Variants in SYN3 observed in about 807,000 individuals in gnomAD.
SYN3 encodes the protein synapsin III.
In SYN3, 35 loss-of-function variants were observed where a neutral mutation model predicts 65.8. The observed-to-expected ratio is 0.53, with a 90% CI of 0.41 to 0.70. The LOEUF is 0.70. SYN3 is among the 30% of genes least tolerant of loss of function. The pLI, the probability that SYN3 is intolerant of heterozygous loss-of-function variation, is 0.00. For missense variants in SYN3, 680 were observed against 749.0 expected (o/e 0.91, Z 1.08); for synonymous variants, 270 against 292.9 (o/e 0.92, Z 0.80).
At chr22:32,524,028 A>G (rs1393816755) in intron 12 of SYN3, among the ~76,000 whole-genome samples, 1 of 152,256 alleles carries the variant, frequency 6.6e-6, no homozygotes, top group Non-Finnish European at 1.5e-5. Flanking sequence ...TTTCAATCCT[A>G]TGAAGGCTGA....
intron 6 of SYN3, among the ~76,000 whole-genome samples, chr22:32,715,172 A>T (rs2061019888): frequency 6.6e-6 from 1 of 152,192 alleles, no homozygotes; most frequent in Admixed American, 6.5e-5. Flanking sequence ...GCGTTTGCTT[A>T]TTTTCATGGA....
intron 6 of SYN3, among the ~76,000 whole-genome samples, chr22:32,834,974 G>T (rs1042261219): frequency 6.6e-6 from 1 of 152,212 alleles, no homozygotes; most frequent in African/African-American, 2.4e-5. Flanking sequence ...CAGGGTCTTT[G>T]CAGTCCTCAG....
intron 6 of SYN3, among the ~76,000 whole-genome samples, chr22:32,738,142 G>A (rs2061357996): frequency 6.6e-6 from 1 of 152,128 alleles, no homozygotes; most frequent in East Asian, 1.9e-4. Context: ...CTCCACATCT[G>A]CCAAGTCCTT....
chr22:32,958,295 C>T (rs1408632729), intron 3 of SYN3, among the ~76,000 whole-genome samples: 2 of 152,192 alleles, frequency 1.3e-5, no homozygotes. Flanking sequence ...AGGATACAAG[C>T]AAAACAGGAT....
intron 1 of SYN3, among the ~76,000 whole-genome samples, chr22:33,052,855 A>C (rs2054193548): frequency 6.6e-6 from 1 of 152,202 alleles, no homozygotes; most frequent in Non-Finnish European, 1.5e-5. Context: ...ACTTGCTTTT[A>C]TCAGAATCAT....
At chr22:32,581,179 G>A (rs999465077) in intron 7 of SYN3, among the ~76,000 whole-genome samples, 1 of 151,978 alleles carries the variant, frequency 6.6e-6, no homozygotes, top group Non-Finnish European at 1.5e-5. Flanking sequence ...GTGCAATCTC[G>A]GCTCACTGCA....
intron 10 of SYN3, 116 bp downstream of exon 10, chr22:32,533,677 G>A (rs192791884): frequency 2.4e-5 from 16 of 661,848 alleles, no homozygotes; most frequent in South Asian, 1.9e-4. Flanking sequence ...CCTGGGTTGC[G>A]TGTGCCCTGG....
chr22:32,969,249 G>A (rs1477878775), intron 3 of SYN3, among the ~76,000 whole-genome samples: 2 of 152,128 alleles, frequency 1.3e-5, no homozygotes, highest in Non-Finnish European at 2.9e-5. Flanking sequence ...CCAGGATGCT[G>A]TACTCTCCTC....
intron 3 of SYN3, among the ~76,000 whole-genome samples, chr22:32,964,080 G>C (rs1347816493): frequency 6.6e-6 from 1 of 151,992 alleles, no homozygotes; most frequent in African/African-American, 2.4e-5. Context: ...ATTTTAAACA[G>C]GCCAAGAACT....
intron 6 of SYN3, among the ~76,000 whole-genome samples, chr22:32,742,005 G>A (rs561013468): frequency 2.8e-4 from 42 of 151,612 alleles, no homozygotes; most frequent in Non-Finnish European, 5.7e-4. Context: ...CGGGCGCGGT[G>A]GCTCACACCT....
chr22:33,038,736 A>T (rs887492141), intron 1 of SYN3, among the ~76,000 whole-genome samples: 1 of 151,820 alleles, frequency 6.6e-6, no homozygotes, highest in Non-Finnish European at 1.5e-5. Context: ...AACCCAAGGC[A>T]GCCAGTCATC....
At chr22:32,894,824 A>G (rs1044535629) in intron 4 of SYN3, among the ~76,000 whole-genome samples, 9 of 152,230 alleles carry the variant, frequency 5.9e-5, no homozygotes, top group African/African-American at 2.2e-4. Context: ...GGAGGCCTGC[A>G]TAGAATAAAA....
At chr22:33,019,937 C>T (rs1478037600) in intron 1 of SYN3, among the ~76,000 whole-genome samples, 1 of 152,152 alleles carries the variant, frequency 6.6e-6, no homozygotes, top group Non-Finnish European at 1.5e-5. Context: ...CTGGGAAGAT[C>T]AAATGAAAGA....
intron 6 of SYN3, among the ~76,000 whole-genome samples, chr22:32,760,199 ACCCG>A (rs2045437403): frequency 2.0e-4 from 1 of 5,084 alleles, no homozygotes; most frequent in Non-Finnish European, 3.8e-4. Flanking sequence ...GCCAGCACCC[ACCCG>A]CCCCCAGCCA....
chr22:32,934,821 C>T (rs896807143), intron 3 of SYN3, among the ~76,000 whole-genome samples: 3 of 151,910 alleles, frequency 2.0e-5, no homozygotes, highest in Non-Finnish European at 4.4e-5. Context: ...GTGGGAGTTG[C>T]GGGGGAGGCA....
intron 1 of SYN3, among the ~76,000 whole-genome samples, chr22:33,043,623 T>C (rs948017618): frequency 8.5e-5 from 13 of 152,216 alleles, no homozygotes; most frequent in Admixed American, 4.6e-4. Context: ...ATCCCAGCAA[T>C]TCTGTTTCTT....
intron 6 of SYN3, among the ~76,000 whole-genome samples, chr22:32,683,443 C>A (rs1022963019): frequency 2.2e-4 from 33 of 152,128 alleles, no homozygotes; most frequent in Non-Finnish European, 4.4e-5. Context: ...TTTCTTAGGG[C>A]TCCTGTAGCT....
At chr22:32,778,477 A>G (rs1181291923) in intron 6 of SYN3, among the ~76,000 whole-genome samples, 2 of 151,974 alleles carry the variant, frequency 1.3e-5, no homozygotes, top group Non-Finnish European at 2.9e-5. Flanking sequence ...TTTTTTTAGT[A>G]GAGATGGAGT....
At chr22:32,694,731 C>A (rs1014147932) in intron 6 of SYN3, among the ~76,000 whole-genome samples, 6 of 152,146 alleles carry the variant, frequency 3.9e-5, no homozygotes, top group Non-Finnish European at 5.9e-5. Context: ...GATCCTAGAA[C>A]CAATCCTCTA....
Sources: gnomAD v4.1 joint callset for allele counts (sites outside exome capture counted in the v4.1 genomes callset) on GRCh38, gnomAD v4.1.1 for gene constraint, MANE v1.5 for transcripts, NCBI Gene and HGNC (gene_info 2026-07-23, HGNC 2026-07-21) for gene names.